Variants in SIPA1L2 observed in about 807,000 individuals in gnomAD.
The protein encoded by SIPA1L2 is signal-induced proliferation-associated 1-like protein 2.
A neutral mutation model predicts 163.9 loss-of-function variants in SIPA1L2; 56 were observed. The observed-to-expected ratio is 0.34, with a 90% confidence interval of 0.28 to 0.43. The LOEUF is 0.43. SIPA1L2 is among the 20% of genes least tolerant of loss of function. The pLI is 1.00. For synonymous variants in SIPA1L2, 877 were observed against 865.7 expected (o/e 1.01, Z -0.23); for missense variants, 1,974 against 2,193.5 (o/e 0.90, Z 2.00).
intron 1 of SIPA1L2, among the ~76,000 whole-genome samples, chr1:232,628,040 A>G (rs1249357927): frequency 2.6e-5 from 4 of 152,226 alleles, no homozygotes; most frequent in Non-Finnish European, 5.9e-5. Context: ...TAATTTCAAG[A>G]TATTTACTCA....
At chr1:232,613,659 T>G (rs1168345335) in intron 1 of SIPA1L2, among the ~76,000 whole-genome samples, 2 of 146,320 alleles carry the variant, frequency 1.4e-5, no homozygotes, top group Non-Finnish European at 3.0e-5. Flanking sequence ...GATCCAGTTT[T>G]TAGAAGCTTC....
In SIPA1L2 at chr1:232,479,748, T is replaced by C; in HGVS notation, c.1982-18A>G. On this transcript the variant is annotated intron_variant, in intron 6 of 22. Coordinates refer to ENST00000674635, the MANE Select transcript of SIPA1L2 (RefSeq NM_020808.5). ...GGAATCAGCTGAAAACAAAGATGAA[T>C]TACAGAAGCAAGGTAAGCTGCTACA... 6.2e-7 allele frequency: 1 copy of C among 1,603,168 alleles called. No individual in the cohort carries two copies. The highest frequency in any genetic ancestry group is 8.5e-7 in the Non-Finnish European group (1 of 1,170,508).
At chr1:232,430,325 A>G (rs1572885956) in intron 16 of SIPA1L2, among the ~76,000 whole-genome samples, 1 of 152,242 alleles carries the variant, frequency 6.6e-6, no homozygotes, top group East Asian at 1.9e-4. Flanking sequence ...AACAGCATGA[A>G]TGGGTGCACA....
At chr1:232,526,693 C>T (rs1667728901) in intron 2 of SIPA1L2, among the ~76,000 whole-genome samples, 1 of 152,140 alleles carries the variant, frequency 6.6e-6, no homozygotes, top group Non-Finnish European at 1.5e-5. Flanking sequence ...TGACACATGC[C>T]CTGCCCTGAG....
In SIPA1L2 at chr1:232,489,020, A is replaced by C. The variant is rs115543709; in HGVS notation, c.1806+1854T>G. On this transcript the variant is annotated intron_variant, in intron 5 of 22. Coordinates refer to ENST00000674635, the MANE Select transcript of SIPA1L2 (RefSeq NM_020808.5). ...GTCTCTTTTCACTGCTCGGTAAAAG[A>C]AGCCCTAAATGGTGGCAGTGGCAGA... 3.2e-3 allele frequency among the ~76,000 whole-genome samples: 495 copies of C among 152,352 alleles called. 4 individuals are homozygous for C. Among genetic ancestry groups the C allele is most frequent in the African/African-American group, 0.011 (465 of 41,592 alleles).
At chr1:232,572,795 TTTCC>T (rs1488250877) in intron 2 of SIPA1L2, among the ~76,000 whole-genome samples, 2 of 142,030 alleles carry the variant, frequency 1.4e-5, no homozygotes, top group East Asian at 2.1e-4. Context: ...TTATTTATTT[TTTCC>T]TTGAGACAAA....
intron 17 of SIPA1L2, 26 bp from the exon 18 acceptor site, chr1:232,425,834 G>C: frequency 6.3e-7 from 1 of 1,599,614 alleles, no homozygotes; most frequent in African/African-American, 1.3e-5. Flanking sequence ...GGTGCGAGGA[G>C]GGAACAGACA....
intron 9 of SIPA1L2, among the ~76,000 whole-genome samples, chr1:232,463,814 G>A (rs749242850): frequency 3.9e-5 from 6 of 152,240 alleles, no homozygotes; most frequent in Admixed American, 6.5e-5. Context: ...GCTTGCTCAC[G>A]TATACCTGAT....
intron 7 of SIPA1L2, among the ~76,000 whole-genome samples, chr1:232,473,448 G>A (rs189271472): frequency 6.6e-6 from 1 of 152,170 alleles, no homozygotes; most frequent in East Asian, 2.0e-4. Flanking sequence ...ATGTTGGCCA[G>A]CCCTCTCCAT....
At chr1:232,469,698 A>T (rs1664702065) in intron 8 of SIPA1L2, among the ~76,000 whole-genome samples, 1 of 152,150 alleles carries the variant, frequency 6.6e-6, no homozygotes, top group Non-Finnish European at 1.5e-5. Flanking sequence ...TCACAGAAAA[A>T]ATAAGGCAAT....
At chr1:232,544,387 C>T (rs1657893393) in intron 2 of SIPA1L2, among the ~76,000 whole-genome samples, 1 of 151,952 alleles carries the variant, frequency 6.6e-6, no homozygotes, top group South Asian at 2.1e-4. Context: ...TGGTGAAACC[C>T]ACCTCTACTA....
In SIPA1L2 at chr1:232,598,938, C is replaced by T. The variant is rs146908045; in HGVS notation, c.-318-24716G>A. On this transcript the variant is annotated intron_variant, in intron 1 of 22. Coordinates refer to ENST00000674635, the MANE Select transcript of SIPA1L2 (RefSeq NM_020808.5). ...CAACTCCAGTGAAACAAACCTGTTA[C>T]GTATGTGACAAACCCTCTACCCCTC... Among the ~76,000 whole-genome samples the T allele has an allele frequency of 5.7e-3, 807 of 142,354 alleles. 12 individuals carry two copies. The highest frequency in any genetic ancestry group is 0.029 in the Admixed American group (404 of 13,914). The allele number at this position is 142,354 out of a possible 152,430, so 93.4% of individuals were successfully genotyped here.
At chr1:232,513,734 G>T in intron 3 of SIPA1L2, 123 bp downstream of exon 3, 1 of 1,030,706 alleles carries the variant, frequency 9.7e-7, no homozygotes, top group Non-Finnish European at 1.4e-6. Flanking sequence ...AACAAGGTCA[G>T]GCCCAGTGGA....
At chr1:232,570,258 A>T (rs11582762) in intron 2 of SIPA1L2, among the ~76,000 whole-genome samples, 3,766 of 152,352 alleles carry the variant, frequency 0.025, 155 homozygotes, top group African/African-American at 0.084. Flanking sequence ...ATCCTCTGAT[A>T]AACAAGTTTC....
chr1:232,470,106 G>A (rs1208950709), intron 8 of SIPA1L2, among the ~76,000 whole-genome samples: 2 of 152,082 alleles, frequency 1.3e-5, no homozygotes, highest in Admixed American at 6.5e-5. Context: ...ACCATTCGCT[G>A]GATGAGCTCC....
At chr1:232,540,617 G>A (rs1380233452) in intron 2 of SIPA1L2, among the ~76,000 whole-genome samples, 3 of 151,934 alleles carry the variant, frequency 2.0e-5, no homozygotes, top group South Asian at 4.1e-4. Flanking sequence ...AGGAGAGGAC[G>A]GCAGAAAGAT....
intron 18 of SIPA1L2, among the ~76,000 whole-genome samples, chr1:232,424,611 GT>G (rs1558164684): frequency 6.6e-6 from 1 of 152,118 alleles, no homozygotes; most frequent in Non-Finnish European, 1.5e-5. Context: ...TCAAGAAGGC[GT>G]TTAAAGGTTT....
intron 1 of SIPA1L2, among the ~76,000 whole-genome samples, chr1:232,598,921 G>A (rs1359999019): frequency 6.9e-6 from 1 of 145,948 alleles, no homozygotes; most frequent in Admixed American, 6.9e-5. Flanking sequence ...CTCAACTCCA[G>A]TGAAACAAAC....
rs568669092 is a variant in SIPA1L2 at position 232,524,386 on chromosome 1, C to T, written c.-269-8778G>A. Among the ~76,000 whole-genome samples, 42 of 152,258 alleles carry T rather than the reference C, an allele frequency of 2.8e-4. No individual in the cohort carries two copies. The South Asian group carries it at 8.3e-3, about 30-fold the overall frequency. ...ACACACACAAACACACTCCCCATGC[C>T]GGTGAGGGTCTGGGGGATGCATGTC... On this transcript the variant is annotated intron_variant, in intron 2 of 22. Transcript: ENST00000674635.
Sources: allele counts gnomAD v4.1 joint callset (sites outside exome capture counted in the v4.1 genomes callset), GRCh38; gene constraint gnomAD v4.1.1; transcripts MANE v1.5; gene names NCBI Gene and HGNC (gene_info 2026-07-23, HGNC 2026-07-21).